The following SLC4A2 variants were observed in gnomAD, a reference collection of about 807,000 sequenced individuals.
SLC4A2 encodes anion exchange protein 2.
Under a neutral mutation model 115.0 loss-of-function variants are expected in SLC4A2, and 36 were observed. That is an observed-to-expected ratio of 0.31 (90% CI 0.24 to 0.41). SLC4A2 has a LOEUF of 0.41. SLC4A2 is among the 10% of genes least tolerant of loss of function. SLC4A2 has a pLI of 1.00. For missense variants in SLC4A2, 1,252 were observed against 1,705.6 expected, an observed-to-expected ratio of 0.73 and a Z score of 4.68; for synonymous variants, 708 against 708.3, an observed-to-expected ratio of 1.00 and a Z score of 0.01.
rs1235112629 is a variant in SLC4A2 at position 151,066,562 on chromosome 7, T to G, written c.624T>G (p.Ser208Arg). The change falls in exon 6 of 23, where the codon AGT (serine) becomes AGG (arginine). Residue 208 changes from serine to arginine, a missense_variant. Ser to Arg is a moderately radical substitution (Grantham distance 110). Coordinates refer to ENST00000413384, the MANE Select transcript of SLC4A2 (RefSeq NM_003040.4). The stretch of plus-strand genomic sequence containing the variant: ...AGGCGGAGGCGGTGGCGGTGGCCAG[T>G]GGCACTGCAGGGGGTGACGACGGGG... ...EAEAEAVAVA[S>R]GTAGGDDGGA... The G allele has an allele frequency of 6.5e-7, 1 of 1,543,682 alleles. No individual in the cohort carries two copies. The highest frequency in any genetic ancestry group is 1.2e-5 in the South Asian group (1 of 83,502).
At position 151,064,516 on chromosome 7, in the gene SLC4A2, C is replaced by G. The variant is rs1194659900; in HGVS notation, c.218-10C>G. 6.2e-7 allele frequency: 1 copy of G among 1,605,910 alleles called. No homozygotes were observed. The highest frequency in any genetic ancestry group is 8.5e-7 in the Non-Finnish European group (1 of 1,176,262). On this transcript the variant is annotated splice_polypyrimidine_tract_variant and intron_variant, in intron 3 of 22. Transcript: ENST00000413384. ...TGCCTGCCACAGCCAAGTCCCCCTC[C>G]TCCCTGCAGACCACCGCCAGTCCTC... is the stretch of plus-strand genomic sequence containing the variant.
intron 8 of SLC4A2, among the ~76,000 whole-genome samples, chr7:151,068,272 A>T (rs567800020): frequency 6.6e-6 from 1 of 152,276 alleles, no homozygotes; most frequent in East Asian, 1.9e-4. Context: ...AATGTTCGAG[A>T]AGCTATTTAG....
rs745326295 is a variant in SLC4A2, at chr7:151,061,961, G to C, written c.-27G>C. ...GCCTCGTTGCCCTGAAAGCCGCAGC[G>C]ACAGCGAAAAGGGCTAAGATTCGGC... On this transcript the variant is annotated 5_prime_UTR_variant, in exon 2 of 23. Coordinates refer to ENST00000413384, the MANE Select transcript of SLC4A2 (RefSeq NM_003040.4). The C allele has an allele frequency of 1.2e-6, 2 of 1,607,570 alleles. No homozygotes were observed. Among genetic ancestry groups the C allele is most frequent in the Admixed American group, 3.3e-5 (2 of 59,750 alleles).
chr7:151,062,451 G>GCCCCCACCTGGCCC, intron 2 of SLC4A2: 1 of 444,624 alleles, frequency 2.2e-6, no homozygotes, highest in Non-Finnish European at 3.5e-6. Context: ...ACCCAGGCCC[G>GCCCCCACCTGGCCC]CCCCTCCCTG....
chr7:151,064,827 C>T (rs1797176537), intron 4 of SLC4A2, 21 bp from the exon 5 acceptor site: 1 of 1,613,610 alleles, frequency 6.2e-7, no homozygotes. Flanking sequence ...TCACTCCTGC[C>T]CATGTGGGTC....
In SLC4A2 at chr7:151,076,195, T is replaced by TC. The variant is rs775786699; in HGVS notation, c.3645+12dup. On this transcript the variant is annotated intron_variant, in intron 22 of 22. Transcript: ENST00000413384. ...ACCGAGAGATGAAATGTGTAAGCCC[T>TC]CCCGTCTGCCTCCCCCGGTTCCTCT... 4 of 1,611,796 alleles carry TC rather than the reference T, an allele frequency of 2.5e-6. No homozygotes were observed. In the East Asian group the frequency reaches 8.9e-5, roughly 36 times the overall value.
chr7:151,071,337 G>T lies in SLC4A2; in HGVS notation c.1975+40G>T, dbSNP rs2303935. The T allele has an allele frequency of 6.5e-7, 1 of 1,545,872 alleles. No homozygotes were observed. Among genetic ancestry groups the T allele is most frequent in the Non-Finnish European group, 8.7e-7 (1 of 1,148,904 alleles). On this transcript the variant is annotated intron_variant, in intron 13 of 22. Transcript: ENST00000413384. The surrounding 1 kb of genome is among the most constrained non-coding windows in gnomAD (Gnocchi z 5.5). ...GGCTGGGGCCAGGGCTGCCTCGAGG[G>T]GGTGAGGTGGGCAAGAGGGGCTGGG...
Position 151,075,303 on chromosome 7 carries a change from C to T in SLC4A2, c.3096C>T (p.Phe1032=), listed in dbSNP as rs1296945434. Residue 1032 remains phenylalanine, a synonymous_variant, in exon 20 of 23, where the codon TTC becomes TTT. Coordinates refer to ENST00000413384, the MANE Select transcript of SLC4A2 (RefSeq NM_003040.4). ...GCATGCTGCAGAAGGGCTCCGGCTTCCACCTGGACCTGCTGCTCATCGTGG... is the reference window on the plus strand; with the variant it reads ...GCATGCTGCAGAAGGGCTCCGGCTTTCACCTGGACCTGCTGCTCATCGTGG... The part of the protein sequence containing the change: ...KERMLQKGSG[F]HLDLLLIVAM... The T allele has an allele frequency of 6.2e-7, 1 of 1,613,512 alleles. No individual in the cohort carries two copies. The highest frequency in any genetic ancestry group is 8.5e-7 in the Non-Finnish European group (1 of 1,180,040).
At chr7:151,058,337 G>A (rs1462217771), upstream of SLC4A2, 2 of 195,778 alleles carry the variant, frequency 1.0e-5, no homozygotes. Flanking sequence ...TGGCGGCCCA[G>A]CGCTGACCTG....
chr7:151,062,511 A>C, intron 2 of SLC4A2: 1 of 1,283,582 alleles, frequency 7.8e-7, no homozygotes, highest in Non-Finnish European at 9.9e-7. Flanking sequence ...TTTCCTAAGG[A>C]GTCTTAATGA....
In SLC4A2 at chr7:151,075,792, C is replaced by T; in HGVS notation, c.3471+17C>T. The T allele has an allele frequency of 6.3e-7, 1 of 1,594,446 alleles. No homozygotes were observed. Among genetic ancestry groups the T allele is most frequent in the Non-Finnish European group, 8.6e-7 (1 of 1,165,332 alleles). ...GTCAAGAAGGTGAGCCCCCCAGCTC[C>T]CCACCGGAAGGGGTGTGCCTCTGGC... On this transcript the variant is annotated intron_variant, in intron 21 of 22. Coordinates refer to ENST00000413384, the MANE Select transcript of SLC4A2 (RefSeq NM_003040.4).
chr7:151,065,723 G>T (rs577743863), intron 5 of SLC4A2, among the ~76,000 whole-genome samples: 2 of 152,338 alleles, frequency 1.3e-5, no homozygotes, highest in South Asian at 4.1e-4. Flanking sequence ...CCTTAGGGGC[G>T]CCAGGATGGC....
chr7:151,073,684 G>C (rs1460353727), intron 16 of SLC4A2, among the ~76,000 whole-genome samples: 3 of 152,088 alleles, frequency 2.0e-5, no homozygotes, highest in Non-Finnish European at 2.9e-5. Flanking sequence ...AGTGTAGAAA[G>C]GGGAAAGGCT....
Position 151,062,159 on chromosome 7 carries a change from T to C in SLC4A2, c.51+121T>C. On this transcript the variant is annotated intron_variant, in intron 2 of 22. Transcript: ENST00000413384. ...TGTGTGAGTGTGGAGACTGGGAGGA[T>C]GCTGCCATCCCTACCCTGACTTTGC... The C allele has an allele frequency of 3.7e-6, 3 of 807,264 alleles. No homozygotes were observed. In the South Asian group the frequency reaches 4.4e-5, roughly 12 times the overall value. 50.0% of individuals were successfully genotyped at this position (807,264 alleles called of 1,614,324 possible).
In SLC4A2 at chr7:151,076,329, G is replaced by A; in HGVS notation, c.3688G>A (p.Gly1230Ser). Residue 1230 changes from glycine to serine, a missense_variant, in exon 23 of 23, where the codon GGT becomes AGT. Coordinates refer to ENST00000413384, the MANE Select transcript of SLC4A2 (RefSeq NM_003040.4). ...AGAGCCGGTGTTTGATGAGCGGGAGGGTGTGGACGAGTACAATGAGATGCC... is the reference window on the plus strand; with the variant it reads ...AGAGCCGGTGTTTGATGAGCGGGAGAGTGTGGACGAGTACAATGAGATGCC... ...EAEPVFDERE[G>S]VDEYNEMPMP... is the part of the protein sequence containing the mutation. The A allele has an allele frequency of 6.5e-7, 1 of 1,536,382 alleles. No individual in the cohort carries two copies. Among genetic ancestry groups the A allele is most frequent in the African/African-American group, 1.4e-5 (1 of 72,602 alleles).
intron 2 of SLC4A2, among the ~76,000 whole-genome samples, chr7:151,063,954 C>T (rs1373763623): frequency 6.6e-6 from 1 of 152,038 alleles, no homozygotes. Flanking sequence ...GTCTTGAACT[C>T]CTGACCTCCA....
At chr7:151,075,951 G>A (rs1797617161) in intron 21 of SLC4A2, 62 bp from the exon 22 acceptor site, 6 of 1,517,340 alleles carry the variant, frequency 4.0e-6, no homozygotes, top group Non-Finnish European at 5.3e-6. Flanking sequence ...CCGAAGAAGA[G>A]AGAGGCTCTT....
Position 151,071,533 on chromosome 7 carries a change from C to T in SLC4A2, c.2119C>T (p.Gln707Ter). ...LSDFRDALDP[Q>*]CLAAVIFIYF... is the part of the protein sequence containing the mutation. ...TGACTTCCGAGATGCACTTGACCCT[C>T]AGTGCCTGGCCGCAGTCATCTTCAT... The change falls in exon 14 of 23, where the codon CAG (glutamine) becomes TAG (stop). Residue 707 changes from glutamine to a stop codon, truncating the protein, a stop_gained. Transcript: ENST00000413384. LOFTEE classifies it high-confidence loss of function. The surrounding 1 kb of genome is among the most constrained non-coding windows in gnomAD (Gnocchi z 5.5). 6.2e-7 allele frequency: 1 copy of T among 1,614,022 alleles called. No individual in the cohort carries two copies. The highest frequency in any genetic ancestry group is 8.5e-7 in the Non-Finnish European group (1 of 1,179,992).
intron 22 of SLC4A2, 46 bp downstream of exon 22, chr7:151,076,232 G>T: frequency 1.2e-6 from 2 of 1,603,204 alleles, no homozygotes; most frequent in Non-Finnish European, 1.7e-6. Context: ...GCCTCCCTGT[G>T]GATCTGGAAA....
Sources: gnomAD v4.1 joint callset for allele counts (sites outside exome capture counted in the v4.1 genomes callset) on GRCh38, gnomAD v4.1.1 for gene constraint, Gnocchi (gnomAD v3.1) non-coding constraint, MANE v1.5 for transcripts, NCBI Gene and HGNC (gene_info 2026-07-23, HGNC 2026-07-21) for gene names.